The following TRAPPC8 variants were observed in gnomAD, a reference collection of about 807,000 sequenced individuals.
TRAPPC8 encodes general sporulation gene 1 homolog.
A neutral mutation model predicts 174.3 loss-of-function variants in TRAPPC8; 54 were observed. That is an observed-to-expected ratio of 0.31 (90% CI 0.25 to 0.39). The LOEUF (loss-of-function observed/expected upper bound fraction) is 0.39. Ranked by LOEUF, TRAPPC8 falls within the 10% of genes least tolerant of loss-of-function variation. The pLI, the probability that TRAPPC8 is intolerant of heterozygous loss-of-function variation, is 1.00. For missense variants in TRAPPC8, 1,531 were observed against 1,699.1 expected (o/e 0.90, Z 1.74); for synonymous variants, 630 against 579.9 (o/e 1.09, Z -1.24).
intron 2 of TRAPPC8, among the ~76,000 whole-genome samples, chr18:31,930,347 T>C (rs976508231): frequency 6.6e-6 from 1 of 152,086 alleles, no homozygotes; most frequent in Non-Finnish European, 1.5e-5. Flanking sequence ...CTTGAACTCC[T>C]GACCTCAAGT....
intron 24 of TRAPPC8, 109 bp from the exon 25 acceptor site, chr18:31,849,848 C>T: frequency 8.9e-7 from 1 of 1,118,088 alleles, no homozygotes; most frequent in African/African-American, 1.6e-5. Context: ...ATTTTTATTT[C>T]TATAGCTTAT....
intron 14 of TRAPPC8, among the ~76,000 whole-genome samples, 200 bp from the exon 15 acceptor site, chr18:31,871,320 CCTGA>C (rs1437609424): frequency 6.6e-6 from 1 of 152,042 alleles, no homozygotes; most frequent in Non-Finnish European, 1.5e-5. Flanking sequence ...TTCTTTTCCT[CCTGA>C]CTCTGAAAGA....
intron 1 of TRAPPC8, among the ~76,000 whole-genome samples, chr18:31,934,949 C>CATAA (rs59323781): frequency 0.22 from 30,798 of 140,168 alleles, 3,795 homozygotes; most frequent in African/African-American, 0.29. Flanking sequence ...GGCTCCGTCT[C>CATAA]ATAAATAAAT....
chr18:31,936,909 A>T (rs1383240416), intron 1 of TRAPPC8, among the ~76,000 whole-genome samples: 1 of 63,180 alleles, frequency 1.6e-5, no homozygotes, highest in Non-Finnish European at 3.9e-5. Flanking sequence ...CTTTAAAAAA[A>T]AAAAAAAAAA....
At chr18:31,901,105 G>T in intron 9 of TRAPPC8, 80 bp from the exon 10 acceptor site, 4 of 1,266,206 alleles carry the variant, frequency 3.2e-6, no homozygotes, top group East Asian at 2.6e-5. Flanking sequence ...AAGTTGGAAT[G>T]AAATTTGCTG....
chr18:31,900,542 G>A (rs1399059500), intron 10 of TRAPPC8, among the ~76,000 whole-genome samples: 1 of 152,164 alleles, frequency 6.6e-6, no homozygotes, highest in Non-Finnish European at 1.5e-5. Context: ...CATAGGTGGT[G>A]AGTTCTCACT....
chr18:31,909,793 T>C, intron 5 of TRAPPC8, 33 bp from the exon 6 acceptor site: 1 of 1,398,562 alleles, frequency 7.2e-7, no homozygotes. Context: ...GCATTAGCAG[T>C]TATACTTAAT....
At position 31,908,802 on chromosome 18, in the gene TRAPPC8, C is replaced by T; in HGVS notation, c.1074G>A (p.Arg358=). Residue 358 remains arginine, a synonymous_variant, in exon 7 of 29, where the codon CGG becomes CGA. Coordinates refer to ENST00000283351, the MANE Select transcript of TRAPPC8 (RefSeq NM_014939.5). ...TTTTCTCTATATGTGGCAAAAGGCC[C>T]CGAAATGTGAACTCTTGTATAAACT... is the stretch of plus-strand genomic sequence containing the variant. ...IRQFIQEFTF[R]GLLPHIEKTI... 6.2e-7 allele frequency: 1 copy of T among 1,611,806 alleles called. No homozygotes were observed. Among genetic ancestry groups the T allele is most frequent in the Non-Finnish European group, 8.5e-7 (1 of 1,178,540 alleles).
chr18:31,943,103 AC>A lies in TRAPPC8; in HGVS notation c.-340del. 2.5e-6 allele frequency: 1 copy of A among 404,388 alleles called. No individual in the cohort carries two copies. Among genetic ancestry groups the A allele is most frequent in the African/African-American group, 2.1e-5 (1 of 48,692 alleles). The allele number at this position is 404,388 out of a possible 1,614,324, so 25.0% of individuals were successfully genotyped here. ...GCCGGAACCGCCATGTTGAGGCCGA[AC>A]CCTGACCAACCGGCAGTACTACTCC... On this transcript the variant is annotated 5_prime_UTR_variant, in exon 1 of 29. Coordinates refer to ENST00000283351, the MANE Select transcript of TRAPPC8 (RefSeq NM_014939.5).
chr18:31,880,087 AAAAATATATATATAT>A (rs2035348334), intron 12 of TRAPPC8, among the ~76,000 whole-genome samples: 2 of 63,348 alleles, frequency 3.2e-5, no homozygotes, highest in African/African-American at 1.5e-4. Flanking sequence ...TATTGAAAAA[AAAAATATATATATAT>A]ATATATATAT....
At chr18:31,938,346 T>TA (rs1442338721) in intron 1 of TRAPPC8, among the ~76,000 whole-genome samples, 1 of 151,426 alleles carries the variant, frequency 6.6e-6, no homozygotes, top group African/African-American at 2.4e-5. Context: ...ATACATATAA[T>TA]AAATTTAATT....
rs890495882 is a variant in TRAPPC8 at position 31,846,826 on chromosome 18, T to C, written c.3736-9A>G. ...TCTTCCACAACGTATGCCTAAAAAATGCAAAGTACAAAAACGTTACCGTGC... is the reference window on the plus strand; with the variant it reads ...TCTTCCACAACGTATGCCTAAAAAACGCAAAGTACAAAAACGTTACCGTGC... On this transcript the variant is annotated splice_polypyrimidine_tract_variant and intron_variant, in intron 25 of 28. Transcript: ENST00000283351. 1.2e-6 allele frequency: 2 copies of C among 1,604,886 alleles called. No homozygotes were observed. The highest frequency in any genetic ancestry group is 8.5e-7 in the Non-Finnish European group (1 of 1,173,898).
intron 1 of TRAPPC8, among the ~76,000 whole-genome samples, chr18:31,940,850 T>G (rs2038304931): frequency 6.6e-6 from 1 of 152,190 alleles, no homozygotes; most frequent in Admixed American, 6.5e-5. Flanking sequence ...TAGACAGCAC[T>G]GCTCTATGGT....
chr18:31,849,801 T>C, intron 24 of TRAPPC8, 62 bp from the exon 25 acceptor site: 1 of 1,452,108 alleles, frequency 6.9e-7, no homozygotes. Context: ...AAATTTATTT[T>C]GTATAACTCA....
chr18:31,870,884 T>C lies in TRAPPC8; in HGVS notation c.2257+42A>G, dbSNP rs185880613. The C allele has an allele frequency of 7.7e-6, 11 of 1,429,632 alleles. No individual in the cohort carries two copies. The Admixed American group carries it at 1.8e-4, about 23-fold the overall frequency. 88.6% of individuals were successfully genotyped at this position (1,429,632 alleles called of 1,614,324 possible). A position where few individuals can be genotyped will look rare whatever the true frequency, so the allele number is the denominator to read the frequency against. ...TAAATTATCTTCATCATGCTGTAAG[T>C]AAAACAAATAAAAAACAGAAATAAA... On this transcript the variant is annotated intron_variant, in intron 15 of 28. Transcript: ENST00000283351.
intron 13 of TRAPPC8, 98 bp from the exon 14 acceptor site, chr18:31,873,636 T>C (rs891809496): frequency 2.6e-6 from 2 of 764,162 alleles, no homozygotes; most frequent in South Asian, 1.9e-5. Flanking sequence ...AAAAATATGT[T>C]AAGCAAGAAT....
intron 2 of TRAPPC8, among the ~76,000 whole-genome samples, chr18:31,920,489 T>C (rs1305048057): frequency 6.6e-6 from 1 of 152,138 alleles, no homozygotes; most frequent in Non-Finnish European, 1.5e-5. Flanking sequence ...TACCAGCTGC[T>C]TCATGTTCAT....
At chr18:31,873,093 C>T (rs1468036163) in intron 14 of TRAPPC8, among the ~76,000 whole-genome samples, 6 of 138,444 alleles carry the variant, frequency 4.3e-5, no homozygotes, top group Non-Finnish European at 9.1e-5. Context: ...TCTCAGCTCA[C>T]TGCAACCTCC....
chr18:31,850,400 T>C (rs2033648429), intron 24 of TRAPPC8, among the ~76,000 whole-genome samples: 1 of 152,152 alleles, frequency 6.6e-6, no homozygotes, highest in South Asian at 2.1e-4. Context: ...TATTTTAAAA[T>C]GACAGAAATA....
Sources: gnomAD v4.1 joint callset for allele counts (sites outside exome capture counted in the v4.1 genomes callset) on GRCh38, gnomAD v4.1.1 for gene constraint, MANE v1.5 for transcripts, NCBI Gene and HGNC (gene_info 2026-07-23, HGNC 2026-07-21) for gene names.